The following ETV6 variants were observed in gnomAD, a reference collection of about 807,000 sequenced individuals.
The protein encoded by ETV6 is ETS variant transcription factor 6.
A neutral mutation model predicts 51.1 loss-of-function variants in ETV6; 16 were observed. That is an observed-to-expected ratio of 0.31 (90% CI 0.21 to 0.48). The LOEUF is 0.48. Among genes scored for constraint, ETV6 ranks in the 20% least tolerant of loss-of-function variants. The pLI, the probability that ETV6 is intolerant of heterozygous loss-of-function variation, is 0.99. For missense variants in ETV6, 458 were observed against 594.8 expected, an observed-to-expected ratio of 0.77 and a Z score of 2.39; for synonymous variants, 240 against 224.1, an observed-to-expected ratio of 1.07 and a Z score of -0.64.
intron 4 of ETV6, among the ~76,000 whole-genome samples, chr12:11,868,725 A>G (rs977147158): frequency 6.6e-6 from 1 of 152,116 alleles, no homozygotes; most frequent in South Asian, 2.1e-4. Context: ...AGAGAATATG[A>G]AAATTTTAGT....
At chr12:11,874,604 A>G (rs186513739) in intron 5 of ETV6, among the ~76,000 whole-genome samples, 12 of 9,156 alleles carry the variant, frequency 1.3e-3, no homozygotes, top group East Asian at 0.25. Flanking sequence ...ATATATGTGT[A>G]TGTGCGTGTG....
intron 3 of ETV6, among the ~76,000 whole-genome samples, chr12:11,847,610 T>C (rs969612942): frequency 2.0e-5 from 3 of 152,168 alleles, no homozygotes; most frequent in Non-Finnish European, 4.4e-5. Context: ...CTGGTGAGAA[T>C]GTTGTTGAGA....
intron 5 of ETV6, among the ~76,000 whole-genome samples, chr12:11,878,405 C>T (rs1290248319): frequency 6.6e-6 from 1 of 152,188 alleles, no homozygotes; most frequent in African/African-American, 2.4e-5. Context: ...TACCTCCCTG[C>T]AGTCCCTGGA....
At chr12:11,882,969 T>G (rs1472742945) in intron 5 of ETV6, among the ~76,000 whole-genome samples, 2 of 152,204 alleles carry the variant, frequency 1.3e-5, no homozygotes, top group Non-Finnish European at 2.9e-5. Context: ...TATTTCAACC[T>G]CTCTGAGGAT....
rs74060829 is a variant in ETV6, at chr12:11,739,683, A to G, written c.34-12767A>G. The stretch of plus-strand genomic sequence containing the variant: ...GAAAAAAACATAAAATACCTCAGTA[A>G]TTATCTGTATTGACTATACATTGAA... On this transcript the variant is annotated intron_variant, in intron 1 of 7. Transcript: ENST00000396373. 9.7e-3 allele frequency among the ~76,000 whole-genome samples: 1,415 copies of G among 146,544 alleles called. 27 individuals are homozygous for G. The highest frequency in any genetic ancestry group is 0.033 in the African/African-American group (1,329 of 40,820).
At chr12:11,662,078 T>C (rs1436450777) in intron 1 of ETV6, among the ~76,000 whole-genome samples, 2 of 152,184 alleles carry the variant, frequency 1.3e-5, no homozygotes, top group Admixed American at 1.3e-4. Context: ...CACCTGGTAG[T>C]ACACCTGTCT....
At chr12:11,856,787 A>G (rs1228975907) in intron 4 of ETV6, among the ~76,000 whole-genome samples, 2 of 152,240 alleles carry the variant, frequency 1.3e-5, no homozygotes, top group Non-Finnish European at 2.9e-5. Flanking sequence ...TGATGTGGGC[A>G]TATGTTAACA....
At position 11,891,409 on chromosome 12, in the gene ETV6, C is replaced by T. The variant is rs974785658; in HGVS notation, c.*363C>T. 1 of 342,232 alleles carries T rather than the reference C, an allele frequency of 2.9e-6. No homozygotes were observed. The highest frequency in any genetic ancestry group is 2.1e-5 in the African/African-American group (1 of 47,336). The allele number at this position is 342,232 out of a possible 1,614,324, so 21.2% of individuals were successfully genotyped here. A position where few individuals can be genotyped will look rare whatever the true frequency, so the allele number is the denominator to read the frequency against. On this transcript the variant is annotated 3_prime_UTR_variant, in exon 8 of 8. Coordinates refer to ENST00000396373, the MANE Select transcript of ETV6 (RefSeq NM_001987.5). ...ACCTGCAGTTTGACTCTTCATCGTT[C>T]ATCTAGGGGAAGACATCTGATGTTG...
In ETV6 at chr12:11,869,100, G is replaced by A. The variant is rs1298720489; in HGVS notation, c.464-324G>A. On this transcript the variant is annotated intron_variant, in intron 4 of 7. Transcript: ENST00000396373. The surrounding 1 kb of genome is among the most constrained non-coding windows in gnomAD (Gnocchi z 5.0). ...AAATAAAAAAAATTAGCCGAGCATG[G>A]TGGTGGGCGCCTGTAGTCCCAGCTA... Among the ~76,000 whole-genome samples, 5 of 152,042 alleles carry A rather than the reference G, an allele frequency of 3.3e-5. No individual in the cohort carries two copies. The highest frequency in any genetic ancestry group is 5.9e-5 in the Non-Finnish European group (4 of 67,996).
Position 11,891,341 on chromosome 12 carries a change from T to TTGTTAGTATCATGGTG in ETV6, c.*297_*312dup, listed in dbSNP as rs1266378465. Reference sequence around the variant, plus strand: ...ATTCCTCACCCTCACCCTTCCACCGTTGTTAGTATCATGGTGTTTTTGTTT... The same window carrying TTGTTAGTATCATGGTG: ...ATTCCTCACCCTCACCCTTCCACCGTTGTTAGTATCATGGTGTGTTAGTATCATGGTGTTTTTGTTT... On this transcript the variant is annotated 3_prime_UTR_variant, in exon 8 of 8. Coordinates refer to ENST00000396373, the MANE Select transcript of ETV6 (RefSeq NM_001987.5). 1 of 382,778 alleles carries TTGTTAGTATCATGGTG rather than the reference T, an allele frequency of 2.6e-6. No homozygotes were observed. The highest frequency in any genetic ancestry group is 4.8e-6 in the Non-Finnish European group (1 of 210,006). The allele number at this position is 382,778 out of a possible 1,614,324, so 23.7% of individuals were successfully genotyped here.
At chr12:11,832,130 C>T (rs577907187) in intron 2 of ETV6, among the ~76,000 whole-genome samples, 3 of 152,270 alleles carry the variant, frequency 2.0e-5, no homozygotes, top group South Asian at 2.1e-4. Flanking sequence ...CCATGGAATA[C>T]GCTTAAGAAA....
chr12:11,706,830 G>A (rs745426964), intron 1 of ETV6, among the ~76,000 whole-genome samples: 2 of 152,224 alleles, frequency 1.3e-5, no homozygotes, highest in Non-Finnish European at 2.9e-5. Context: ...TGGAATCGAG[G>A]TGAAATCTTT....
chr12:11,803,130 A>G (rs1053747737), intron 2 of ETV6, among the ~76,000 whole-genome samples: 3 of 152,072 alleles, frequency 2.0e-5, no homozygotes, highest in East Asian at 1.9e-4. Context: ...GTCAGTCCCA[A>G]CTCTCCAAAT....
At chr12:11,682,493 A>T (rs1214505648) in intron 1 of ETV6, among the ~76,000 whole-genome samples, 1 of 151,992 alleles carries the variant, frequency 6.6e-6, no homozygotes, top group African/African-American at 2.4e-5. Flanking sequence ...GATTGCAAAA[A>T]TTTTCTCCTG....
intron 1 of ETV6, among the ~76,000 whole-genome samples, chr12:11,674,677 A>C (rs1164035407): frequency 6.9e-6 from 1 of 143,966 alleles, no homozygotes; most frequent in South Asian, 2.2e-4. Flanking sequence ...TGTTTTCCCC[A>C]TGAAGCCCTG....
intron 2 of ETV6, among the ~76,000 whole-genome samples, chr12:11,798,536 G>A (rs776290769): frequency 6.6e-6 from 1 of 152,168 alleles, no homozygotes; most frequent in East Asian, 1.9e-4. Context: ...TTCAGGAAAG[G>A]GGAATGCTAG....
At chr12:11,716,723 A>C (rs1459784985) in intron 1 of ETV6, 1 of 152,146 alleles carries the variant, frequency 6.6e-6, no homozygotes, top group Non-Finnish European at 1.5e-5. Flanking sequence ...CTCTAAAATT[A>C]TGTGATTTTT....
At chr12:11,682,826 T>C (rs1158000176) in intron 1 of ETV6, among the ~76,000 whole-genome samples, 1 of 152,204 alleles carries the variant, frequency 6.6e-6, no homozygotes, top group Non-Finnish European at 1.5e-5. Context: ...ACTTATTAAA[T>C]AGGGAATCCT....
intron 3 of ETV6, among the ~76,000 whole-genome samples, chr12:11,846,554 T>G (rs1365410153): frequency 6.6e-6 from 1 of 152,048 alleles, no homozygotes; most frequent in African/African-American, 2.4e-5. Context: ...ACACTTTCAC[T>G]GATAATTCTA....
Sources: allele counts gnomAD v4.1 joint callset (sites outside exome capture counted in the v4.1 genomes callset), GRCh38; gene constraint gnomAD v4.1.1; non-coding constraint Gnocchi (gnomAD v3.1); transcripts MANE v1.5; gene names NCBI Gene and HGNC (gene_info 2026-07-23, HGNC 2026-07-21).